Variants in ZMAT4 observed in about 807,000 individuals in gnomAD.
ZMAT4 encodes zinc finger matrin-type 4, also known as zinc finger matrin-type protein 4.
In ZMAT4, 17 loss-of-function variants were observed where a neutral mutation model predicts 28.7. That is an observed-to-expected ratio of 0.59 (90% confidence interval 0.41 to 0.89). ZMAT4 has a LOEUF of 0.89. Ranked by LOEUF, ZMAT4 falls within the 40% of genes least tolerant of loss-of-function variation. The pLI, the probability that ZMAT4 is intolerant of heterozygous loss-of-function variation, is 0.00. For missense variants in ZMAT4, 240 were observed against 283.8 expected, an observed-to-expected ratio of 0.85 and a Z score of 1.11; for synonymous variants, 117 against 109.2, an observed-to-expected ratio of 1.07 and a Z score of -0.44.
At chr8:40,674,680 A>G (rs753028555) in intron 5 of ZMAT4, 24 bp downstream of exon 5, 1 of 1,591,734 alleles carries the variant, frequency 6.3e-7, no homozygotes. Flanking sequence ...GTTTTGTGGC[A>G]GAAGTGAGAA....
chr8:40,693,061 A>C (rs1013989581), intron 4 of ZMAT4, among the ~76,000 whole-genome samples: 3 of 152,156 alleles, frequency 2.0e-5, no homozygotes, highest in African/African-American at 4.8e-5. Context: ...TAACTAGTTA[A>C]GCTAAAATGA....
chr8:40,544,738 C>G (rs1803146902), intron 6 of ZMAT4, among the ~76,000 whole-genome samples: 1 of 152,042 alleles, frequency 6.6e-6, no homozygotes, highest in African/African-American at 2.4e-5. Flanking sequence ...TAGTAGACCC[C>G]AGGAATTCTA....
intron 5 of ZMAT4, among the ~76,000 whole-genome samples, chr8:40,592,496 T>C (rs1804931141): frequency 6.6e-6 from 1 of 152,196 alleles, no homozygotes; most frequent in Admixed American, 6.5e-5. Flanking sequence ...GAACACACAA[T>C]TTCTAAAACA....
chr8:40,753,573 A>T (rs1172515320), intron 3 of ZMAT4, among the ~76,000 whole-genome samples: 1 of 152,236 alleles, frequency 6.6e-6, no homozygotes, highest in East Asian at 1.9e-4. Context: ...CTGTAAACAG[A>T]AACTGCATCT....
chr8:40,645,031 A>C (rs1357413035), intron 5 of ZMAT4, among the ~76,000 whole-genome samples: 2 of 152,186 alleles, frequency 1.3e-5, no homozygotes, highest in Admixed American at 6.5e-5. Flanking sequence ...TGATGAATAA[A>C]TTTAATATAG....
chr8:40,694,160 C>T (rs550822489), intron 4 of ZMAT4, among the ~76,000 whole-genome samples: 6 of 152,226 alleles, frequency 3.9e-5, no homozygotes, highest in East Asian at 1.9e-4. Context: ...GCAGCCACCA[C>T]GTGGAAGGTG....
At chr8:40,834,928 G>A (rs1044188311) in intron 1 of ZMAT4, among the ~76,000 whole-genome samples, 1 of 152,230 alleles carries the variant, frequency 6.6e-6, no homozygotes, top group Non-Finnish European at 1.5e-5. Context: ...TGGCAGCTTT[G>A]GGGAGAGCCC....
chr8:40,654,511 A>C (rs1807831240), intron 5 of ZMAT4, among the ~76,000 whole-genome samples: 2 of 152,186 alleles, frequency 1.3e-5, no homozygotes, highest in South Asian at 4.1e-4. Context: ...TCACACAAAA[A>C]AAGAAAACTA....
chr8:40,608,249 G>A (rs925072714), intron 5 of ZMAT4, among the ~76,000 whole-genome samples: 3 of 152,184 alleles, frequency 2.0e-5, no homozygotes, highest in African/African-American at 7.2e-5. Context: ...AAGCCTTGCT[G>A]TAGCTGCTGT....
chr8:40,637,636 A>G (rs1343746408), intron 5 of ZMAT4, among the ~76,000 whole-genome samples: 1 of 152,234 alleles, frequency 6.6e-6, no homozygotes, highest in Non-Finnish European at 1.5e-5. Context: ...GCTACAGAAT[A>G]GAAAGAGGCA....
Position 40,758,104 on chromosome 8 carries a change from C to A in ZMAT4, c.192+9537G>T, listed in dbSNP as rs1036571654. 2.0e-5 allele frequency among the ~76,000 whole-genome samples: 3 copies of A among 152,168 alleles called. No individual in the cohort carries two copies. In the East Asian group the frequency reaches 5.8e-4, roughly 29 times the overall value. ...CGGGACTTGGACTGGCTTCTTTTTT[C>A]CTCAGCTTGCAGGCGGCCTATTGTT... On this transcript the variant is annotated intron_variant, in intron 3 of 6. Transcript: ENST00000297737.
intron 1 of ZMAT4, among the ~76,000 whole-genome samples, chr8:40,861,212 G>A (rs2203150): frequency 0.022 from 3,334 of 152,244 alleles, 92 homozygotes; most frequent in Admixed American, 0.085. Context: ...CTAAGTGCTC[G>A]GTAGGTATGA....
At chr8:40,759,374 T>C (rs1444345989) in intron 3 of ZMAT4, among the ~76,000 whole-genome samples, 1 of 151,884 alleles carries the variant, frequency 6.6e-6, no homozygotes, top group Non-Finnish European at 1.5e-5. Flanking sequence ...TGCGATCATA[T>C]GTAAAGGTCA....
chr8:40,568,946 T>G (rs1804008447), intron 6 of ZMAT4, among the ~76,000 whole-genome samples: 1 of 152,208 alleles, frequency 6.6e-6, no homozygotes, highest in South Asian at 2.1e-4. Context: ...CACTACTTGT[T>G]GCATCCCCTC....
Position 40,532,183 on chromosome 8 carries a change from A to C in ZMAT4, c.*40T>G. ...ATAAGCAATTCTCCACGGCAGAGAAATGCTAATGTTTTGTTCTTATGTCTT... is the reference window on the plus strand; with the variant it reads ...ATAAGCAATTCTCCACGGCAGAGAACTGCTAATGTTTTGTTCTTATGTCTT... On this transcript the variant is annotated 3_prime_UTR_variant, in exon 7 of 7. Transcript: ENST00000297737. 1 of 1,562,260 alleles carries C rather than the reference A, an allele frequency of 6.4e-7. No homozygotes were observed. Among genetic ancestry groups the C allele is most frequent in the Non-Finnish European group, 8.7e-7 (1 of 1,152,620 alleles).
intron 6 of ZMAT4, among the ~76,000 whole-genome samples, chr8:40,567,507 G>A (rs949643249): frequency 2.6e-5 from 4 of 152,014 alleles, no homozygotes; most frequent in African/African-American, 9.7e-5. Context: ...CAAGCGGGCA[G>A]GTCACCTGAG....
intron 5 of ZMAT4, among the ~76,000 whole-genome samples, chr8:40,643,014 C>G (rs1807115941): frequency 6.6e-6 from 1 of 152,184 alleles, no homozygotes; most frequent in South Asian, 2.1e-4. Context: ...TGGGATGAAA[C>G]TGGAGAAGTT....
At chr8:40,837,258 T>C (rs1201224473) in intron 1 of ZMAT4, among the ~76,000 whole-genome samples, 1 of 152,206 alleles carries the variant, frequency 6.6e-6, no homozygotes. Flanking sequence ...CTCCTCTCCT[T>C]CTGCAGGCTG....
chr8:40,704,730 A>G (rs1455600041), intron 3 of ZMAT4, among the ~76,000 whole-genome samples: 2 of 152,194 alleles, frequency 1.3e-5, no homozygotes, highest in Non-Finnish European at 2.9e-5. Context: ...TTCATTAACC[A>G]TTTCTAATTT....
Sources: allele counts gnomAD v4.1 joint callset (sites outside exome capture counted in the v4.1 genomes callset), GRCh38; gene constraint gnomAD v4.1.1; transcripts MANE v1.5; gene names NCBI Gene and HGNC (gene_info 2026-07-23, HGNC 2026-07-21).